The following RAD51B variants were observed in gnomAD, a reference collection of about 807,000 sequenced individuals.
RAD51B encodes RAD51 paralog B.
Under a neutral mutation model 42.2 loss-of-function variants are expected in RAD51B, and 38 were observed. That is an observed-to-expected ratio of 0.90 (90% CI 0.70 to 1.18). The LOEUF (loss-of-function observed/expected upper bound fraction) is 1.18, where lower values mean the gene tolerates loss of function less well. RAD51B is among the 50% of genes most tolerant of loss of function. RAD51B has a pLI of 0.00. For missense variants in RAD51B, 373 were observed against 400.7 expected, an observed-to-expected ratio of 0.93 and a Z score of 0.59; for synonymous variants, 154 against 145.2, an observed-to-expected ratio of 1.06 and a Z score of -0.43.
intron 10 of RAD51B, among the ~76,000 whole-genome samples, chr14:68,485,660 T>G (rs1486647896): frequency 6.6e-6 from 1 of 152,166 alleles, no homozygotes; most frequent in Non-Finnish European, 1.5e-5. Flanking sequence ...CAAGGATCCC[T>G]TGTCCCTATC....
chr14:68,336,029 T>C (rs1276818215), intron 8 of RAD51B, among the ~76,000 whole-genome samples: 1 of 152,242 alleles, frequency 6.6e-6, no homozygotes. Context: ...CTTGGATAAG[T>C]TACTTAACCT....
chr14:68,497,322 A>T (rs1301244376), intron 10 of RAD51B: 1 of 1,262,966 alleles, frequency 7.9e-7, no homozygotes, highest in Non-Finnish European at 1.0e-6. Flanking sequence ...TCTCACAAGT[A>T]GGATCAAGAA....
At chr14:68,008,614 TGG>T (rs1209124997) in intron 7 of RAD51B, among the ~76,000 whole-genome samples, 7 of 152,142 alleles carry the variant, frequency 4.6e-5, no homozygotes, top group African/African-American at 1.4e-4. Context: ...ATAGATTAAA[TGG>T]ATTATTATGG....
chr14:68,525,151 AG>A (rs1886842366), intron 10 of RAD51B, among the ~76,000 whole-genome samples: 1 of 152,254 alleles, frequency 6.6e-6, no homozygotes, highest in Non-Finnish European at 1.5e-5. Context: ...AAGCGATGTA[AG>A]AAAGACTCAA....
At position 67,940,037 on chromosome 14, in the gene RAD51B, T is replaced by TATA. The variant is rs1221018427; in HGVS notation, c.756+52834_756+52836dup. Among the ~76,000 whole-genome samples, 9 of 12,012 alleles carry TATA rather than the reference T, an allele frequency of 7.5e-4. 1 individual carries two copies. The highest frequency in any genetic ancestry group is 1.6e-3 in the African/African-American group (9 of 5,470). The allele number at this position is 12,012 out of a possible 152,430, so 7.9% of individuals were successfully genotyped here. ...TTTGATAGATGCATATATATATATA[T>TATA]ATATATATATATATATATTTTTTTT... is the stretch of plus-strand genomic sequence containing the variant. On this transcript the variant is annotated intron_variant, in intron 7 of 10. Coordinates refer to ENST00000471583, the MANE Select transcript of RAD51B (RefSeq NM_133510.4).
chr14:68,599,645 G>T (rs1891141233), downstream of RAD51B, among the ~76,000 whole-genome samples: 1 of 152,206 alleles, frequency 6.6e-6, no homozygotes, highest in African/African-American at 2.4e-5. Context: ...TCAGCTCAGT[G>T]GAAATGTTAT....
intron 7 of RAD51B, among the ~76,000 whole-genome samples, chr14:67,971,844 AATG>A (rs1186564355): frequency 2.0e-5 from 3 of 151,850 alleles, no homozygotes; most frequent in African/African-American, 7.3e-5. Flanking sequence ...CCATCTGTAA[AATG>A]ATAATGGCTA....
In RAD51B at chr14:68,371,049, AAAAAAAG is replaced by A. The variant is rs1332819512; in HGVS notation, c.854-40368_854-40362del. On this transcript the variant is annotated intron_variant, in intron 8 of 10. Transcript: ENST00000471583. ...AAGACTCTGTCTCAAAAAAAAAAAAAAAAAAAGAAAAAAAGAAAAGAAAATTAAAAAA... is the reference window on the plus strand; with the variant it reads ...AAGACTCTGTCTCAAAAAAAAAAAAAAAAAAAAGAAAAGAAAATTAAAAAA... Among the ~76,000 whole-genome samples, 146 of 114,746 alleles carry A rather than the reference AAAAAAAG, an allele frequency of 1.3e-3. 4 individuals are homozygous for A. The highest frequency in any genetic ancestry group is 4.1e-3 in the African/African-American group (106 of 25,676). 75.3% of individuals were successfully genotyped at this position (114,746 alleles called of 152,430 possible).
chr14:68,347,356 T>TG (rs1228804575), intron 8 of RAD51B, among the ~76,000 whole-genome samples: 3 of 152,238 alleles, frequency 2.0e-5, no homozygotes, highest in Admixed American at 6.5e-5. Context: ...ACAAAATGAT[T>TG]GGGGGTCCCC....
At chr14:68,301,140 A>G (rs923895553) in intron 8 of RAD51B, among the ~76,000 whole-genome samples, 1 of 152,200 alleles carries the variant, frequency 6.6e-6, no homozygotes, top group Non-Finnish European at 1.5e-5. Context: ...TTTTTTAACC[A>G]TACTTCCATC....
chr14:68,172,297 A>G (rs1595506721), intron 7 of RAD51B, among the ~76,000 whole-genome samples: 1 of 152,202 alleles, frequency 6.6e-6, no homozygotes, highest in South Asian at 2.1e-4. Context: ...AATCTATTAC[A>G]TGTGTATTTG....
At chr14:68,449,742 C>T (rs956174899) in intron 9 of RAD51B, among the ~76,000 whole-genome samples, 1 of 151,582 alleles carries the variant, frequency 6.6e-6, no homozygotes, top group East Asian at 1.9e-4. Flanking sequence ...GCCTTTTTTT[C>T]CTCTGTGGTG....
chr14:68,015,992 G>A (rs768596386), intron 7 of RAD51B, among the ~76,000 whole-genome samples: 1 of 152,054 alleles, frequency 6.6e-6, no homozygotes, highest in African/African-American at 2.4e-5. Flanking sequence ...TCTTTTGGCA[G>A]CTGTTGATAG....
chr14:68,478,739 C>T (rs1183201435), downstream of RAD51B, among the ~76,000 whole-genome samples: 1 of 152,232 alleles, frequency 6.6e-6, no homozygotes. Flanking sequence ...AGAATCAAGT[C>T]TCATCCTATT....
chr14:68,649,127 T>G (rs1218157240), intron 10 of RAD51B, among the ~76,000 whole-genome samples: 1 of 152,178 alleles, frequency 6.6e-6, no homozygotes, highest in Non-Finnish European at 1.5e-5. Context: ...ATTGGATTCC[T>G]TGGGCACATT....
At chr14:68,491,800 A>C (rs1884098347) in intron 10 of RAD51B, among the ~76,000 whole-genome samples, 1 of 152,242 alleles carries the variant, frequency 6.6e-6, no homozygotes, top group African/African-American at 2.4e-5. Context: ...TTGGTTTTCC[A>C]ACCTTCATGG....
At chr14:68,390,474 G>A (rs2083714755) in intron 8 of RAD51B, among the ~76,000 whole-genome samples, 1 of 152,216 alleles carries the variant, frequency 6.6e-6, no homozygotes, top group Admixed American at 6.5e-5. Flanking sequence ...TTCTGACATT[G>A]AGTTTACACT....
At position 68,049,209 on chromosome 14, in the gene RAD51B, G is replaced by A. The variant is rs909985993; in HGVS notation, c.756+162005G>A. Among the ~76,000 whole-genome samples the A allele has an allele frequency of 1.3e-5, 2 of 152,084 alleles. 1 individual carries two copies. Among genetic ancestry groups the A allele is most frequent in the Non-Finnish European group, 2.9e-5 (2 of 68,018 alleles). ...ACATCACACACTGGGGCCTGTTGTG[G>A]GGTGGGGGGAGCGGGGAGGGATAGC... On this transcript the variant is annotated intron_variant, in intron 7 of 10. Transcript: ENST00000471583.
chr14:67,847,323 GTTC>G (rs1282578421), intron 4 of RAD51B, among the ~76,000 whole-genome samples: 11 of 93,916 alleles, frequency 1.2e-4, no homozygotes, highest in African/African-American at 5.1e-4. Context: ...GGGTTGGTTT[GTTC>G]TTTTTTTTTT....
Sources: allele counts gnomAD v4.1 joint callset (sites outside exome capture counted in the v4.1 genomes callset), GRCh38; gene constraint gnomAD v4.1.1; transcripts MANE v1.5; gene names NCBI Gene and HGNC (gene_info 2026-07-23, HGNC 2026-07-21).